Variants in PRUNE2 observed in about 807,000 individuals in gnomAD.
PRUNE2 encodes the protein protein prune homolog 2.
In PRUNE2, 164 loss-of-function variants were observed where a neutral mutation model predicts 252.0. That is an observed-to-expected ratio of 0.65 (90% CI 0.57 to 0.74). The LOEUF (loss-of-function observed/expected upper bound fraction) is 0.74. Among genes scored for constraint, PRUNE2 ranks in the 30% least tolerant of loss-of-function variants. The pLI, the probability that PRUNE2 is intolerant of heterozygous loss-of-function variation, is 0.00. For synonymous variants in PRUNE2, 1,292 were observed against 1,350.2 expected, an observed-to-expected ratio of 0.96 and a Z score of 0.94; for missense variants, 3,495 against 3,711.0, an observed-to-expected ratio of 0.94 and a Z score of 1.51.
At chr9:76,822,305 C>T (rs936264500) in intron 6 of PRUNE2, among the ~76,000 whole-genome samples, 3 of 152,126 alleles carry the variant, frequency 2.0e-5, no homozygotes, top group Non-Finnish European at 4.4e-5. Context: ...CTGTGAGGTG[C>T]CACCAAACAT....
intron 6 of PRUNE2, among the ~76,000 whole-genome samples, chr9:76,799,020 G>A (rs1248283380): frequency 6.6e-6 from 1 of 152,154 alleles, no homozygotes; most frequent in Admixed American, 6.6e-5. Flanking sequence ...GGCTTCTTAT[G>A]TGGGACAATG....
chr9:76,850,793 A>G (rs1034848424), intron 2 of PRUNE2, 128 bp from the exon 3 acceptor site: 12 of 667,930 alleles, frequency 1.8e-5, no homozygotes, highest in Non-Finnish European at 2.8e-5. Flanking sequence ...ACCACTTGGC[A>G]TTCATAATCA....
chr9:76,669,577 C>T (rs1193193251), intron 9 of PRUNE2, among the ~76,000 whole-genome samples: 3 of 152,312 alleles, frequency 2.0e-5, no homozygotes, highest in Admixed American at 2.0e-4. Context: ...ACGTTAGCCT[C>T]CCAAAGTGCT....
intron 1 of PRUNE2, among the ~76,000 whole-genome samples, chr9:76,895,067 G>A (rs533327215): frequency 1.3e-5 from 2 of 151,866 alleles, no homozygotes; most frequent in East Asian, 3.9e-4. Context: ...GCTTCCTTAA[G>A]AGGGAGAAAA....
rs780812809 is a variant in PRUNE2 at position 76,692,371 on chromosome 9, G to GA, written c.8276+10965dup. On this transcript the variant is annotated intron_variant, in intron 9 of 18. Coordinates refer to ENST00000376718, the MANE Select transcript of PRUNE2 (RefSeq NM_015225.3). Reference sequence around the variant, plus strand: ...CTCTTTAATTTTTATGTCAGTTGAGGAAAACTGCTGCTACTCCTGCTCCCG... The same window carrying GA: ...CTCTTTAATTTTTATGTCAGTTGAGGAAAAACTGCTGCTACTCCTGCTCCCG... 405 of 522,030 alleles carry GA rather than the reference G, an allele frequency of 7.8e-4. 1 individual carries two copies. The highest frequency in any genetic ancestry group is 1.1e-3 in the Non-Finnish European group (316 of 294,034). 32.3% of individuals were successfully genotyped at this position (522,030 alleles called of 1,614,324 possible). A position where few individuals can be genotyped will look rare whatever the true frequency, so the allele number is the denominator to read the frequency against.
chr9:76,785,776 CCTCT>C (rs2054913267), intron 6 of PRUNE2: 1 of 151,702 alleles, frequency 6.6e-6, no homozygotes, highest in African/African-American at 2.4e-5. Context: ...CCAAAGTGTG[CCTCT>C]CTCTCTTTGA....
At position 76,630,587 on chromosome 9, in the gene PRUNE2, C is replaced by T. The variant is rs1322059419; in HGVS notation, c.9051-1297G>A. ...TCGCCCAGGCTGGAGTGCAGTGGCACGATCTTGGCTCACTGCAAGCTCTGC... is the reference window on the plus strand; with the variant it reads ...TCGCCCAGGCTGGAGTGCAGTGGCATGATCTTGGCTCACTGCAAGCTCTGC... On this transcript the variant is annotated intron_variant, in intron 15 of 18. Coordinates refer to ENST00000376718, the MANE Select transcript of PRUNE2 (RefSeq NM_015225.3). Among the ~76,000 whole-genome samples the T allele has an allele frequency of 3.9e-5, 6 of 152,282 alleles. No homozygotes were observed. In the South Asian group the frequency reaches 6.2e-4, roughly 16 times the overall value.
At chr9:76,678,025 A>C (rs183638849) in intron 9 of PRUNE2, among the ~76,000 whole-genome samples, 3 of 152,202 alleles carry the variant, frequency 2.0e-5, no homozygotes, top group Non-Finnish European at 4.4e-5. Context: ...CCACAGATCT[A>C]TGCCAAAAGG....
chr9:76,799,961 T>C (rs2056427975), intron 6 of PRUNE2, among the ~76,000 whole-genome samples: 1 of 152,146 alleles, frequency 6.6e-6, no homozygotes, highest in African/African-American at 2.4e-5. Flanking sequence ...TTTCTAGAAA[T>C]GTCCCCTAGT....
chr9:76,864,269 G>A (rs1405956099), intron 1 of PRUNE2, among the ~76,000 whole-genome samples: 1 of 152,104 alleles, frequency 6.6e-6, no homozygotes, highest in Non-Finnish European at 1.5e-5. Context: ...TGTAAATGTG[G>A]GAACAACAGA....
rs111417895 is a variant in PRUNE2 at position 76,659,094 on chromosome 9, C to T, written c.8277-3592G>A. 7.5e-3 allele frequency among the ~76,000 whole-genome samples: 1,147 copies of T among 152,328 alleles called. 19 individuals carry two copies. Among genetic ancestry groups the T allele is most frequent in the African/African-American group, 0.026 (1,070 of 41,580 alleles). ...GGAGGGGCTCGGCCAGGCTGTGTCC[C>T]GAGTGCCTCTGATGAGCAGAGGCCT... On this transcript the variant is annotated intron_variant, in intron 9 of 18. Transcript: ENST00000376718.
chr9:76,662,174 C>G (rs748097384), intron 9 of PRUNE2, among the ~76,000 whole-genome samples: 18 of 152,132 alleles, frequency 1.2e-4, no homozygotes, highest in Admixed American at 1.3e-4. Context: ...TTCAACTCAG[C>G]CCAGGAAGTT....
intron 4 of PRUNE2, among the ~76,000 whole-genome samples, chr9:76,831,657 A>G (rs1277445787): frequency 6.6e-6 from 1 of 152,142 alleles, no homozygotes; most frequent in African/African-American, 2.4e-5. Flanking sequence ...TAACCACTAA[A>G]AGAATATCAA....
chr9:76,764,037 AT>A (rs1474317661), intron 6 of PRUNE2, among the ~76,000 whole-genome samples: 4 of 152,208 alleles, frequency 2.6e-5, no homozygotes, highest in Non-Finnish European at 5.9e-5. Flanking sequence ...TTAAAAGATT[AT>A]TTGTTGGGCA....
chr9:76,815,117 G>T (rs1371989665), intron 6 of PRUNE2, among the ~76,000 whole-genome samples: 2 of 152,142 alleles, frequency 1.3e-5, no homozygotes, highest in African/African-American at 4.8e-5. Flanking sequence ...ATCTGGGGAG[G>T]ATCTATGTTT....
chr9:76,640,439 A>G (rs1842077127), intron 12 of PRUNE2, among the ~76,000 whole-genome samples: 1 of 152,344 alleles, frequency 6.6e-6, no homozygotes, highest in Middle Eastern at 3.4e-3. Context: ...TATTTATACT[A>G]CAAGTGGTGA....
chr9:76,861,753 G>A (rs938142478), intron 1 of PRUNE2, among the ~76,000 whole-genome samples: 5 of 151,268 alleles, frequency 3.3e-5, no homozygotes, highest in Non-Finnish European at 7.4e-5. Flanking sequence ...TCATAAAAAC[G>A]ATGTGGCCAA....
chr9:76,901,374 G>A (rs1169079550), intron 1 of PRUNE2, among the ~76,000 whole-genome samples: 1 of 152,134 alleles, frequency 6.6e-6, no homozygotes, highest in Non-Finnish European at 1.5e-5. Flanking sequence ...TTGCAATGGG[G>A]CAGGAGCTGA....
At chr9:76,824,566 T>C (rs760805842) in intron 5 of PRUNE2, among the ~76,000 whole-genome samples, 1 of 152,240 alleles carries the variant, frequency 6.6e-6, no homozygotes, top group African/African-American at 2.4e-5. Context: ...TGCATAGTTG[T>C]AGTCAGTTGA....
Sources: gnomAD v4.1 joint callset for allele counts (sites outside exome capture counted in the v4.1 genomes callset) on GRCh38, gnomAD v4.1.1 for gene constraint, MANE v1.5 for transcripts, NCBI Gene and HGNC (gene_info 2026-07-23, HGNC 2026-07-21) for gene names.